Variants in COTL1 observed in about 807,000 individuals in gnomAD.
COTL1 encodes coactosin-like protein.
Under a neutral mutation model 16.5 loss-of-function variants are expected in COTL1, and 15 were observed. The observed-to-expected ratio is 0.91, with a 90% CI of 0.61 to 1.40. The LOEUF is 1.40. Ranked by LOEUF, COTL1 falls within the 40% of genes most tolerant of loss-of-function variation. COTL1 has a pLI of 0.00. For missense variants in COTL1, 220 were observed against 201.5 expected, an observed-to-expected ratio of 1.09 and a Z score of -0.56; for synonymous variants, 112 against 85.3, an observed-to-expected ratio of 1.31 and a Z score of -1.73.
chr16:84,594,524 G>C (rs1471966985), intron 2 of COTL1: 1 of 152,258 alleles, frequency 6.6e-6, no homozygotes, highest in East Asian at 1.9e-4. Flanking sequence ...AGTGTCGTCA[G>C]AGCATCAACA....
intron 2 of COTL1, among the ~76,000 whole-genome samples, chr16:84,601,073 T>C (rs1312215919): frequency 6.6e-6 from 1 of 152,100 alleles, no homozygotes; most frequent in African/African-American, 2.4e-5. Context: ...ATCTATAGCA[T>C]CTATAAGGAG....
intron 2 of COTL1, among the ~76,000 whole-genome samples, chr16:84,592,118 C>A (rs1244607170): frequency 6.6e-6 from 1 of 152,200 alleles, no homozygotes; most frequent in East Asian, 1.9e-4. Context: ...AGATGTCCTC[C>A]AAAGGGGGCA....
At chr16:84,588,959 A>G (rs542231745) in intron 3 of COTL1, among the ~76,000 whole-genome samples, 23 of 151,734 alleles carry the variant, frequency 1.5e-4, no homozygotes, top group African/African-American at 5.3e-4. Context: ...TCATTAGACT[A>G]TTATTTTTTA....
At chr16:84,582,666 A>T (rs999828744) in intron 3 of COTL1, among the ~76,000 whole-genome samples, 2 of 152,234 alleles carry the variant, frequency 1.3e-5, no homozygotes, top group Non-Finnish European at 2.9e-5. Flanking sequence ...TGGGGTAAGA[A>T]ATCCGGGTTT....
intron 2 of COTL1, among the ~76,000 whole-genome samples, chr16:84,591,282 C>T (rs1204728133): frequency 6.6e-6 from 1 of 150,708 alleles, no homozygotes; most frequent in Admixed American, 6.6e-5. Context: ...CTCTAGGGTT[C>T]ACACCATTCT....
intron 2 of COTL1, among the ~76,000 whole-genome samples, chr16:84,598,665 C>CG (rs1227044516): frequency 1.3e-5 from 2 of 150,562 alleles, no homozygotes; most frequent in African/African-American, 4.9e-5. Context: ...CAACCCCCCC[C>CG]ACCAACCCCG....
intron 3 of COTL1, among the ~76,000 whole-genome samples, chr16:84,583,559 C>T (rs973734855): frequency 6.6e-6 from 1 of 152,300 alleles, no homozygotes. Context: ...TGGGCTCAAG[C>T]GATCCTCCCA....
chr16:84,568,103 T>G (rs1904306670), intron 3 of COTL1: 1 of 152,206 alleles, frequency 6.6e-6, no homozygotes, highest in Admixed American at 6.5e-5. Flanking sequence ...GTTCAAGCCA[T>G]TCTCATGTCT....
intron 2 of COTL1, among the ~76,000 whole-genome samples, chr16:84,602,916 C>T (rs139130589): frequency 2.9e-4 from 44 of 152,218 alleles, no homozygotes; most frequent in African/African-American, 9.6e-4. Flanking sequence ...TCAGCGATGC[C>T]AGAGTCAGTG....
At chr16:84,566,979 G>A (rs1028505813) in intron 3 of COTL1, 24 bp from the exon 4 acceptor site, 5 of 1,555,796 alleles carry the variant, frequency 3.2e-6, no homozygotes, top group African/African-American at 2.7e-5. Context: ...GGAAAACACA[G>A]CGTTCCTATT....
chr16:84,615,341 G>A (rs1338919310), intron 2 of COTL1, among the ~76,000 whole-genome samples: 3 of 152,224 alleles, frequency 2.0e-5, no homozygotes, highest in Admixed American at 1.3e-4. Flanking sequence ...CAGGAGGTGG[G>A]TCTGAGCAGA....
chr16:84,586,985 C>T (rs1014326071), intron 3 of COTL1, among the ~76,000 whole-genome samples: 5 of 152,222 alleles, frequency 3.3e-5, no homozygotes, highest in Non-Finnish European at 5.9e-5. Flanking sequence ...AGCCCCCTCC[C>T]TCTGCTCCCT....
intron 3 of COTL1, among the ~76,000 whole-genome samples, chr16:84,580,897 A>G (rs1322430491): frequency 6.6e-6 from 1 of 152,112 alleles, no homozygotes; most frequent in Non-Finnish European, 1.5e-5. Context: ...TAATGCCAGC[A>G]CTTTGGGAGG....
intron 2 of COTL1, among the ~76,000 whole-genome samples, chr16:84,606,187 C>G (rs1340263361): frequency 6.6e-6 from 1 of 152,252 alleles, no homozygotes; most frequent in Non-Finnish European, 1.5e-5. Flanking sequence ...TCAGAAAAGT[C>G]ACAGGCACTT....
At chr16:84,592,238 T>A (rs1207326840) in intron 2 of COTL1, among the ~76,000 whole-genome samples, 1 of 152,240 alleles carries the variant, frequency 6.6e-6, no homozygotes. Context: ...GGATCACATA[T>A]CCTTATTCAG....
intron 2 of COTL1, among the ~76,000 whole-genome samples, chr16:84,597,429 C>G (rs1478695979): frequency 6.6e-6 from 1 of 152,178 alleles, no homozygotes; most frequent in Non-Finnish European, 1.5e-5. Flanking sequence ...CTGCTGAAGT[C>G]CACAGCAGCA....
At chr16:84,614,490 G>A (rs533859437) in intron 2 of COTL1, among the ~76,000 whole-genome samples, 4 of 152,160 alleles carry the variant, frequency 2.6e-5, no homozygotes, top group South Asian at 4.1e-4. Flanking sequence ...CTGGAAAGCC[G>A]TGGGGGAGGA....
chr16:84,573,718 TG>T (rs1352423910), intron 3 of COTL1, among the ~76,000 whole-genome samples: 3 of 144,048 alleles, frequency 2.1e-5, no homozygotes, highest in African/African-American at 7.8e-5. Flanking sequence ...CCAGCCTGGG[TG>T]ACAAGAGCGA....
intron 2 of COTL1, among the ~76,000 whole-genome samples, chr16:84,607,122 C>G (rs1472320498): frequency 3.3e-5 from 5 of 152,194 alleles, no homozygotes; most frequent in Non-Finnish European, 7.3e-5. Flanking sequence ...GTCCCTCTCT[C>G]CAGGAGGACT....
Sources: allele counts gnomAD v4.1 joint callset (sites outside exome capture counted in the v4.1 genomes callset), GRCh38; gene constraint gnomAD v4.1.1; transcripts MANE v1.5; gene names NCBI Gene and HGNC (gene_info 2026-07-23, HGNC 2026-07-21).